The following ASIP variants were observed in gnomAD, a reference collection of about 807,000 sequenced individuals.
ASIP encodes the protein agouti signaling protein, also known as agouti-signaling protein.
ASIP carries 11 observed loss-of-function variants against 10.3 expected under a neutral mutation model. The observed-to-expected ratio is 1.07, with a 90% CI of 0.68 to 1.78. ASIP has a LOEUF of 1.78. Among genes scored for constraint, ASIP ranks in the 40% most tolerant of loss-of-function variants. ASIP has a pLI of 0.00. For synonymous variants in ASIP, 70 were observed against 70.8 expected (o/e 0.99, Z 0.06); for missense variants, 180 against 169.2 (o/e 1.06, Z -0.35).
At chr20:34,243,946 T>C (rs894823484) in intron 1 of ASIP, among the ~76,000 whole-genome samples, 61 of 152,058 alleles carry the variant, frequency 4.0e-4, no homozygotes, top group African/African-American at 1.4e-3. Context: ...GCGCCTGTAG[T>C]CCCAGCTACT....
At chr20:34,213,516 A>C (rs2034988117) in intron 1 of ASIP, 2 of 1,489,916 alleles carry the variant, frequency 1.3e-6, no homozygotes, top group Non-Finnish European at 1.8e-6. Flanking sequence ...CAGACTGGTC[A>C]TTTTCTTCTG....
At chr20:34,205,618 T>C (rs1568745972) in intron 1 of ASIP, among the ~76,000 whole-genome samples, 1 of 108,866 alleles carries the variant, frequency 9.2e-6, no homozygotes, top group Non-Finnish European at 1.7e-5. Flanking sequence ...TATTCCCTTA[T>C]TTGGCCCCAC....
At chr20:34,196,023 T>C (rs373881638) in intron 1 of ASIP, among the ~76,000 whole-genome samples, 87 of 152,234 alleles carry the variant, frequency 5.7e-4, no homozygotes, top group African/African-American at 1.9e-3. Flanking sequence ...GGTTCCACTA[T>C]GAGTGTTTCT....
At chr20:34,205,389 C>T (rs908941025) in intron 1 of ASIP, among the ~76,000 whole-genome samples, 2 of 151,836 alleles carry the variant, frequency 1.3e-5, no homozygotes, top group African/African-American at 2.4e-5. Flanking sequence ...AGAGGCGGCG[C>T]ATCCGGAGTT....
At chr20:34,225,175 G>A (rs2035084226) in intron 1 of ASIP, among the ~76,000 whole-genome samples, 1 of 149,486 alleles carries the variant, frequency 6.7e-6, no homozygotes, top group African/African-American at 2.5e-5. Context: ...CTGAGTAGCT[G>A]GGATTACAGG....
intron 1 of ASIP, among the ~76,000 whole-genome samples, chr20:34,259,189 G>GAC (rs1034667327): frequency 7.9e-6 from 1 of 126,068 alleles, no homozygotes; most frequent in African/African-American, 5.0e-5. Context: ...CAGCCTGGGT[G>GAC]ACAGTGAGAC....
At chr20:34,215,036 C>A in intron 1 of ASIP, 1 of 1,483,954 alleles carries the variant, frequency 6.7e-7, no homozygotes, top group South Asian at 1.1e-5. Context: ...GAAAAGAAGT[C>A]AACATCTTCT....
chr20:34,203,882 C>T (rs2034917278), intron 1 of ASIP, among the ~76,000 whole-genome samples: 1 of 151,740 alleles, frequency 6.6e-6, no homozygotes, highest in Non-Finnish European at 1.5e-5. Context: ...CGCCACCATA[C>T]CCGGCTAATT....
At chr20:34,249,942 T>C (rs2035446307) in intron 1 of ASIP, 1 of 152,274 alleles carries the variant, frequency 6.6e-6, no homozygotes, top group Non-Finnish European at 1.5e-5. Flanking sequence ...TCTTCCCAAG[T>C]ATATGCTTTT....
At position 34,268,986 on chromosome 20, in the gene ASIP, C is replaced by A; in HGVS notation, c.223-5C>A. ...GCTCATAAAGCCCCGGCGTTTCCCA[C>A]GCAGAAGGAGGCTTCGATGAAGAAA... On this transcript the variant is annotated splice_region_variant and splice_polypyrimidine_tract_variant and intron_variant, in intron 3 of 3. Coordinates refer to ENST00000374954, the MANE Select transcript of ASIP (RefSeq NM_001672.3). 6.2e-7 allele frequency: 1 copy of A among 1,600,186 alleles called. No individual in the cohort carries two copies. Among genetic ancestry groups the A allele is most frequent in the Non-Finnish European group, 8.5e-7 (1 of 1,173,970 alleles).
intron 1 of ASIP, among the ~76,000 whole-genome samples, chr20:34,212,414 C>T (rs1568747911): frequency 6.6e-6 from 1 of 152,162 alleles, no homozygotes; most frequent in African/African-American, 2.4e-5. Context: ...AAATTTCATA[C>T]ATATACATTA....
intron 1 of ASIP, among the ~76,000 whole-genome samples, chr20:34,203,211 T>C (rs2122539962): frequency 6.6e-6 from 1 of 152,286 alleles, no homozygotes; most frequent in South Asian, 2.1e-4. Context: ...GTCCATCAAT[T>C]AATATGAAAG....
At position 34,252,514 on chromosome 20, in the gene ASIP, C is replaced by T. The variant is rs367817483; in HGVS notation, c.-10-7851C>T. On this transcript the variant is annotated intron_variant, in intron 1 of 3. Coordinates refer to ENST00000374954, the MANE Select transcript of ASIP (RefSeq NM_001672.3). The stretch of plus-strand genomic sequence containing the variant: ...CAGTATTGTTGTCAGTATATCTCCC[C>T]TCTAGCCACAGGGCGGTTTTCTCCT... Among the ~76,000 whole-genome samples, 19 of 152,298 alleles carry T rather than the reference C, an allele frequency of 1.2e-4. No homozygotes were observed. In the East Asian group the frequency reaches 3.7e-3, roughly 29 times the overall value.
intron 3 of ASIP, among the ~76,000 whole-genome samples, chr20:34,264,789 A>ATT (rs34382186): frequency 0.012 from 1,270 of 104,142 alleles, 26 homozygotes; most frequent in South Asian, 0.046. Flanking sequence ...AGTTTACTTC[A>ATT]TTTTTTTTTT....
At chr20:34,253,116 A>C (rs903697708) in intron 1 of ASIP, among the ~76,000 whole-genome samples, 4 of 143,086 alleles carry the variant, frequency 2.8e-5, no homozygotes, top group Admixed American at 7.0e-5. Context: ...TTTTTTTTTT[A>C]TTTTTTTTTT....
chr20:34,206,696 A>G (rs1250261936), intron 1 of ASIP, among the ~76,000 whole-genome samples: 1 of 152,182 alleles, frequency 6.6e-6, no homozygotes, highest in Non-Finnish European at 1.5e-5. Context: ...CTTTTGCCTC[A>G]GCCTCAAGAG....
intron 1 of ASIP, among the ~76,000 whole-genome samples, chr20:34,235,820 A>G (rs1167147568): frequency 1.6e-5 from 1 of 63,852 alleles, no homozygotes; most frequent in African/African-American, 1.7e-4. Context: ...AAAGAAAGAA[A>G]GAAAGAAAGA....
chr20:34,214,585 C>G, intron 1 of ASIP: 2 of 1,365,736 alleles, frequency 1.5e-6, no homozygotes, highest in South Asian at 2.3e-5. Flanking sequence ...AAAAACTCTG[C>G]GAACAGAGGC....
At chr20:34,194,876 G>A (rs1000776013) in intron 1 of ASIP, 2 of 152,006 alleles carry the variant, frequency 1.3e-5, no homozygotes, top group Non-Finnish European at 2.9e-5. Context: ...TCTTCTCCTC[G>A]TTTTCCTCTT....
Sources: gnomAD v4.1 joint callset for allele counts (sites outside exome capture counted in the v4.1 genomes callset) on GRCh38, gnomAD v4.1.1 for gene constraint, MANE v1.5 for transcripts, NCBI Gene and HGNC (gene_info 2026-07-23, HGNC 2026-07-21) for gene names.